The following BTK variants were observed in gnomAD, a reference collection of about 807,000 sequenced individuals.
BTK encodes the protein Bruton tyrosine kinase, also known as tyrosine-protein kinase BTK.
Under a neutral mutation model 57.4 loss-of-function variants are expected in BTK, and 5 were observed. The observed-to-expected ratio is 0.09, with a 90% CI of 0.05 to 0.18. The LOEUF (loss-of-function observed/expected upper bound fraction) is 0.18. Among genes scored for constraint, BTK ranks in the 10% least tolerant of loss-of-function variants. BTK has a pLI of 1.00. For synonymous variants in BTK, 154 were observed against 174.3 expected, an observed-to-expected ratio of 0.88 and a Z score of 0.92; for missense variants, 194 against 501.2, an observed-to-expected ratio of 0.39 and a Z score of 5.85.
chrX:101,367,629 T>G (rs1456228855), intron 5 of BTK, among the ~76,000 whole-genome samples: 1 of 105,033 alleles, frequency 9.5e-6, no homozygotes, highest in Non-Finnish European at 1.9e-5. Flanking sequence ...AGAGCGAAAC[T>G]CCATCTCAAA....
intron 10 of BTK, 76 bp downstream of exon 10, chrX:101,359,217 G>C (rs1266087076): frequency 2.8e-6 from 3 of 1,070,952 alleles, no homozygotes; most frequent in African/African-American, 3.7e-5. Flanking sequence ...CCAAAGGTAG[G>C]GGGCAGAACA....
chrX:101,351,874 T>C (rs950868374), intron 18 of BTK, among the ~76,000 whole-genome samples: 5 of 111,468 alleles, frequency 4.5e-5, no homozygotes, highest in South Asian at 3.7e-4. Flanking sequence ...TTAAAAAAAA[T>C]CTCATTTAGC....
intron 18 of BTK, chrX:101,352,980 C>T (rs1485889176): frequency 5.1e-6 from 2 of 393,638 alleles, no homozygotes; most frequent in Admixed American, 4.6e-5. Context: ...ACATGAGAAT[C>T]GCTTGAATCT....
intron 1 of BTK, among the ~76,000 whole-genome samples, chrX:101,384,538 G>A (rs139339459): frequency 0.065 from 7,138 of 109,889 alleles, 257 homozygotes; most frequent in Non-Finnish European, 0.1. Flanking sequence ...CGGAGGTTGC[G>A]GTGAGCTGAG....
intron 5 of BTK, among the ~76,000 whole-genome samples, chrX:101,366,654 A>G (rs1926859858): frequency 8.9e-6 from 1 of 111,817 alleles, no homozygotes; most frequent in South Asian, 3.7e-4. Context: ...CCCAGCAATC[A>G]TGGTATTTGT....
rs189813041 is a variant in BTK at position 101,381,902 on chromosome X, C to G, written c.-31+4160G>C. The stretch of plus-strand genomic sequence containing the variant: ...CAAAAATTAGCCTGGCGTGGTGGCG[C>G]GCACCTGTAATCCCAGTTACTCAGG... On this transcript the variant is annotated intron_variant, in intron 1 of 18. Transcript: ENST00000308731. 1.7e-4 allele frequency among the ~76,000 whole-genome samples: 18 copies of G among 108,534 alleles called. No individual in the cohort carries two copies. In the Middle Eastern group the frequency reaches 0.014, roughly 84 times the overall value. The allele number at this position is 108,534 out of a possible 115,157, so 94.2% of individuals were successfully genotyped here.
chrX:101,354,602 G>A (rs898263406), intron 16 of BTK, 28 bp downstream of exon 16: 4 of 1,200,187 alleles, frequency 3.3e-6, no homozygotes, highest in Non-Finnish European at 4.5e-6. Flanking sequence ...TTTACTTCTG[G>A]AGGGAAAGAT....
intron 18 of BTK, among the ~76,000 whole-genome samples, chrX:101,351,947 A>G (rs1469434993): frequency 9.1e-6 from 1 of 110,029 alleles, no homozygotes; most frequent in Non-Finnish European, 1.9e-5. Context: ...GTGGATCACA[A>G]GGTCAGGAGA....
chrX:101,362,225 C>A lies in BTK; in HGVS notation c.536G>T (p.Ser179Ile). Residue 179 changes from serine (S) to isoleucine (I), a missense_variant, in exon 7 of 19, where the codon AGT becomes ATT. This residue lies in a region of BTK where 115 missense variants were observed against 258.3 expected (regional missense o/e 0.45). Transcript: ENST00000308731. ...AGGCTTTTTTGTCTTCCGGTGAGAACTCCCAGGTTTTAAGCCTGCAAAACA... is the reference window on the plus strand; with the variant it reads ...AGGCTTTTTTGTCTTCCGGTGAGAAATCCCAGGTTTTAAGCCTGCAAAACA... Reference protein sequence around the residue: ...ENRNGSLKPGSSHRKTKKPLP... With the variant: ...ENRNGSLKPGISHRKTKKPLP... 3.3e-6 allele frequency: 4 copies of A among 1,211,781 alleles called. No homozygotes were observed. Among genetic ancestry groups the A allele is most frequent in the Non-Finnish European group, 3.4e-6 (3 of 895,445 alleles).
intron 3 of BTK, among the ~76,000 whole-genome samples, chrX:101,372,646 A>C (rs1555980506): frequency 9.3e-6 from 1 of 107,070 alleles, no homozygotes; most frequent in Non-Finnish European, 1.9e-5. Flanking sequence ...ACGGGGTTTC[A>C]CCATGTTGGT....
chrX:101,372,504 A>T (rs1160637140), intron 3 of BTK, among the ~76,000 whole-genome samples: 3 of 109,137 alleles, frequency 2.7e-5, no homozygotes, highest in Non-Finnish European at 5.7e-5. Flanking sequence ...CTGGATGTGC[A>T]GTGGTGCGAT....
upstream of BTK, chrX:101,390,396 G>C (rs1927741726): frequency 2.0e-6 from 1 of 497,169 alleles, no homozygotes; most frequent in Non-Finnish European, 3.6e-6. Flanking sequence ...GAAGGGTGCT[G>C]CTTTAATGCC....
intron 7 of BTK, 96 bp from the exon 8 acceptor site, chrX:101,360,851 C>T: frequency 2.3e-6 from 2 of 856,431 alleles, no homozygotes; most frequent in Non-Finnish European, 3.5e-6. Flanking sequence ...ACACCCAAAT[C>T]AGGCATACTA....
At chrX:101,368,471 A>G (rs965595257) in intron 5 of BTK, among the ~76,000 whole-genome samples, 1 of 112,282 alleles carries the variant, frequency 8.9e-6, no homozygotes, top group Non-Finnish European at 1.9e-5. Context: ...CAGGGATGTG[A>G]TAAGAATCCA....
chrX:101,367,624 G>A (rs781992807), intron 5 of BTK, among the ~76,000 whole-genome samples: 1 of 107,018 alleles, frequency 9.3e-6, no homozygotes, highest in Admixed American at 1.0e-4. Context: ...TGACAAGAGC[G>A]AAACTCCATC....
chrX:101,357,388 AGC>A, intron 13 of BTK, 119 bp downstream of exon 13: 1 of 643,041 alleles, frequency 1.6e-6, no homozygotes, highest in Non-Finnish European at 2.6e-6. Flanking sequence ...ATCTGTCTTG[AGC>A]GTCCTTGAGG....
intron 1 of BTK, among the ~76,000 whole-genome samples, chrX:101,379,546 C>T (rs1252367603): frequency 8.9e-6 from 1 of 112,396 alleles, no homozygotes; most frequent in Non-Finnish European, 1.9e-5. Context: ...CAACCTCATC[C>T]ATCTGTAGCT....
intron 13 of BTK, 102 bp downstream of exon 13, chrX:101,357,407 C>T (rs1462557421): frequency 1.3e-6 from 1 of 749,025 alleles, no homozygotes; most frequent in Non-Finnish European, 2.1e-6. Flanking sequence ...GAGGCAGCTG[C>T]TGCAGAACAG....
chrX:101,354,519 G>A (rs886988557), intron 16 of BTK, 111 bp downstream of exon 16: 2 of 802,850 alleles, frequency 2.5e-6, no homozygotes, highest in South Asian at 2.2e-5. Context: ...GGCAGAAAAC[G>A]CTAGAATGAG....
Sources: allele counts gnomAD v4.1 joint callset (sites outside exome capture counted in the v4.1 genomes callset), GRCh38; gene constraint gnomAD v4.1.1; regional missense constraint gnomAD v4.1.1; transcripts MANE v1.5; gene names NCBI Gene and HGNC (gene_info 2026-07-23, HGNC 2026-07-21).